COL5A3: variants seen among roughly 807,000 people sequenced by gnomAD.
The protein encoded by COL5A3 is collagen alpha-3(V) chain.
In COL5A3, 172 loss-of-function variants were observed where a neutral mutation model predicts 250.0. That is an observed-to-expected ratio of 0.69 (90% CI 0.61 to 0.78). The LOEUF (loss-of-function observed/expected upper bound fraction) is 0.78. COL5A3 is among the 30% of genes least tolerant of loss of function. The pLI is 0.00. For synonymous variants in COL5A3, 937 were observed against 900.4 expected (o/e 1.04, Z -0.73); for missense variants, 2,340 against 2,334.4 (o/e 1.00, Z -0.05).
At chr19:10,010,202 T>TGCCCCC in intron 1 of COL5A3, 96 bp downstream of exon 1, 5 of 653,184 alleles carry the variant, frequency 7.7e-6, no homozygotes, top group Non-Finnish European at 1.0e-5. Flanking sequence ...CCCACGCCCT[T>TGCCCCC]CCCCTCCACG....
chr19:9,986,955 C>A (rs1332610955), intron 27 of COL5A3, among the ~76,000 whole-genome samples, 197 bp from the exon 28 acceptor site: 1 of 152,086 alleles, frequency 6.6e-6, no homozygotes, highest in Non-Finnish European at 1.5e-5. Context: ...GTCATCTGTG[C>A]GGGGGTGTGC....
rs774250010 is a variant in COL5A3 at position 9,970,631 on chromosome 19, G to C, written c.3927C>G (p.Pro1309=). 6.9e-7 allele frequency: 1 copy of C among 1,444,286 alleles called. No individual in the cohort carries two copies. The highest frequency in any genetic ancestry group is 1.5e-5 in the African/African-American group (1 of 68,814). 89.5% of individuals were successfully genotyped at this position (1,444,286 alleles called of 1,614,324 possible). A position where few individuals can be genotyped will look rare whatever the true frequency, so the allele number is the denominator to read the frequency against. ...ASGEPGAPGP[P]GKRGPSGHMG... is the part of the protein sequence containing the mutation. ...GTGGCTTATCACTTACCCTCTTGCCGGGGGGCCCGGGGGCGCCGGGCTCCC... is the reference window on the plus strand; with the variant it reads ...GTGGCTTATCACTTACCCTCTTGCCCGGGGGCCCGGGGGCGCCGGGCTCCC... Residue 1309 remains proline (P), a synonymous_variant, in exon 54 of 67, where the codon CCC becomes CCG. Coordinates refer to ENST00000264828, the MANE Select transcript of COL5A3 (RefSeq NM_015719.4).
rs763099096 is a variant in COL5A3, at chr19:9,968,080, C to T, written c.4315-1G>A. 56 of 1,587,092 alleles carry T rather than the reference C, an allele frequency of 3.5e-5. 1 individual carries two copies. The South Asian group carries it at 6.5e-4, about 18-fold the overall frequency. On this transcript the variant is annotated splice_acceptor_variant, in intron 59 of 66. Coordinates refer to ENST00000264828, the MANE Select transcript of COL5A3 (RefSeq NM_015719.4). LOFTEE classifies it high-confidence loss of function. This position sits in a 1 kb window ranked among gnomAD's most constrained non-coding sequence, Gnocchi z 4.1. The stretch of plus-strand genomic sequence containing the variant: ...GAGAGCCAATGGGACCAGGGGGACC[C>T]TAGGAAAAGGACATCGGGTCAGTAT...
In COL5A3 at chr19:10,008,450, G is replaced by GGT. The variant is rs1331846217; in HGVS notation, c.88+1847_88+1848insAC. 2.8e-5 allele frequency among the ~76,000 whole-genome samples: 4 copies of GGT among 142,946 alleles called. No homozygotes were observed. The East Asian group carries it at 7.8e-4, about 28-fold the overall frequency. The allele number at this position is 142,946 out of a possible 152,430, so 93.8% of individuals were successfully genotyped here. ...TGCCTACAGGGGACAAGGGGTGGGG[G>GGT]GGTCTGTCAGGGGCCCAGCCTGCCC... On this transcript the variant is annotated intron_variant, in intron 1 of 66. Coordinates refer to ENST00000264828, the MANE Select transcript of COL5A3 (RefSeq NM_015719.4).
intron 8 of COL5A3, among the ~76,000 whole-genome samples, chr19:10,000,375 G>C (rs546171230): frequency 6.7e-6 from 1 of 148,482 alleles, no homozygotes; most frequent in African/African-American, 2.5e-5. Flanking sequence ...GTCACGTCCC[G>C]ACTGCAGATT....
At chr19:9,980,964 C>A (rs1599547527) in intron 33 of COL5A3, 105 bp from the exon 34 acceptor site, 1 of 1,497,606 alleles carries the variant, frequency 6.7e-7, no homozygotes, top group African/African-American at 1.4e-5. Context: ...CCTCTCCTGC[C>A]CGACCAGGGA....
At chr19:10,003,740 T>C in intron 5 of COL5A3, 26 bp from the exon 6 acceptor site, 1 of 1,613,332 alleles carries the variant, frequency 6.2e-7, no homozygotes, top group Non-Finnish European at 8.5e-7. Context: ...CAGTCAGGTC[T>C]AGAGCATCCC....
In COL5A3 at chr19:9,993,749, C is replaced by A; in HGVS notation, c.1641+4G>T. 1 of 1,614,182 alleles carries A rather than the reference C, an allele frequency of 6.2e-7. No individual in the cohort carries two copies. Among genetic ancestry groups the A allele is most frequent in the Non-Finnish European group, 8.5e-7 (1 of 1,180,012 alleles). ...CAAGTCTTATCTCAGCCCCCATCAC[C>A]TACCTTAGGTCCAGTGTCCCCTGGG... is the stretch of plus-strand genomic sequence containing the variant. On this transcript the variant is annotated splice_donor_region_variant and intron_variant, in intron 17 of 66. Coordinates refer to ENST00000264828, the MANE Select transcript of COL5A3 (RefSeq NM_015719.4).
chr19:9,962,596 CA>C lies in COL5A3; in HGVS notation c.4851+222del, dbSNP rs1415725230. ...TCCAACACTGCCTCTAAATTTCCACCATGCCCTGTGCTTCCCCTATCCTGGC... is the reference window on the plus strand; with the variant it reads ...TCCAACACTGCCTCTAAATTTCCACCTGCCCTGTGCTTCCCCTATCCTGGC... On this transcript the variant is annotated intron_variant, in intron 65 of 66. Coordinates refer to ENST00000264828, the MANE Select transcript of COL5A3 (RefSeq NM_015719.4). Among the ~76,000 whole-genome samples, 4 of 152,126 alleles carry C rather than the reference CA, an allele frequency of 2.6e-5. No homozygotes were observed. The South Asian group carries it at 6.2e-4, about 24-fold the overall frequency.
At chr19:10,008,001 A>C in intron 1 of COL5A3, among the ~76,000 whole-genome samples, 1 of 147,490 alleles carries the variant, frequency 6.8e-6, no homozygotes, top group African/African-American at 2.5e-5. Context: ...CCAACCCATC[A>C]CCCCAGCCCC....
intron 64 of COL5A3, among the ~76,000 whole-genome samples, chr19:9,963,450 G>C (rs1158917691): frequency 6.6e-6 from 1 of 151,390 alleles, no homozygotes; most frequent in African/African-American, 2.4e-5. Flanking sequence ...GAGTGCAGTG[G>C]TGTGATCACT....
chr19:9,982,130 G>T lies in COL5A3; in HGVS notation c.2407-12C>A. ...AATCCAATAGATCCCTGAGTGGAGA[G>T]AATTAGAAAGAAGACATGAGGGTGA... On this transcript the variant is annotated splice_polypyrimidine_tract_variant and intron_variant, in intron 31 of 66. Transcript: ENST00000264828. The T allele has an allele frequency of 2.5e-6, 4 of 1,581,806 alleles. No individual in the cohort carries two copies. The highest frequency in any genetic ancestry group is 3.4e-6 in the Non-Finnish European group (4 of 1,162,188).
rs1458077537 is a variant in COL5A3 at position 10,005,858 on chromosome 19, C to T, written c.375G>A (p.Ala125=). 4 of 1,613,700 alleles carry T rather than the reference C, an allele frequency of 2.5e-6. No homozygotes were observed. The highest frequency in any genetic ancestry group is 1.7e-4 in the Middle Eastern group (1 of 6,036). Reference sequence around the variant, plus strand: ...GGAAGGGGTCACCTAGGAGACCCAGCGCTGGCCCCAGTGCCAGGCCCAACT... The same window carrying T: ...GGAAGGGGTCACCTAGGAGACCCAGTGCTGGCCCCAGTGCCAGGCCCAACT... The part of the protein sequence containing the change: ...ARQLGLALGP[A]LGLLGDPFRP... Residue 125 remains alanine, a synonymous_variant, in exon 3 of 67, where the codon GCG becomes GCA. Transcript: ENST00000264828.
At position 9,976,503 on chromosome 19, in the gene COL5A3, C is replaced by T. The variant is rs73502987; in HGVS notation, c.3342+55G>A. 5.6e-3 allele frequency: 7,717 copies of T among 1,385,370 alleles called. 362 individuals are homozygous for T. The African/African-American group carries it at 0.11, about 19-fold the overall frequency. The allele number at this position is 1,385,370 out of a possible 1,614,324, so 85.8% of individuals were successfully genotyped here. ...GTGTGCTTCCACTGTCGTTTGCTCC[C>T]ACTATCCCTCCCTTCAAGGACCCAG... is the stretch of plus-strand genomic sequence containing the variant. On this transcript the variant is annotated intron_variant, in intron 45 of 66. Transcript: ENST00000264828.
chr19:10,000,107 TA>T (rs113602459), intron 8 of COL5A3, among the ~76,000 whole-genome samples: 13 of 150,552 alleles, frequency 8.6e-5, no homozygotes, highest in African/African-American at 2.4e-4. Flanking sequence ...GCCCTTAACA[TA>T]AAAAAAAAGC....
Position 9,969,406 on chromosome 19 carries a change from A to G in COL5A3, c.4099-4T>C, listed in dbSNP as rs753650782. 1.2e-5 allele frequency: 19 copies of G among 1,606,884 alleles called. No individual in the cohort carries two copies. Among genetic ancestry groups the G allele is most frequent in the Non-Finnish European group, 1.6e-5 (19 of 1,177,400 alleles). On this transcript the variant is annotated splice_region_variant and splice_polypyrimidine_tract_variant and intron_variant, in intron 56 of 66. Transcript: ENST00000264828. The stretch of plus-strand genomic sequence containing the variant: ...CTCCCAGGAGGCCTGGTTCACCCTG[A>G]GAATGGAACAGAACATGGGGTGGGC...
At chr19:9,993,882 A>C in intron 16 of COL5A3, 76 bp from the exon 17 acceptor site, 2 of 1,311,312 alleles carry the variant, frequency 1.5e-6, no homozygotes, top group South Asian at 1.3e-5. Flanking sequence ...ACCCAACTTC[A>C]TCATCAACAT....
At chr19:9,983,155 T>C (rs567538271) in intron 31 of COL5A3, among the ~76,000 whole-genome samples, 11 of 152,038 alleles carry the variant, frequency 7.2e-5, no homozygotes, top group Non-Finnish European at 1.6e-4. Context: ...GCCACCAACC[T>C]GGCCCCAACA....
At chr19:9,984,529 G>A (rs1308441987) in intron 31 of COL5A3, among the ~76,000 whole-genome samples, 1 of 152,216 alleles carries the variant, frequency 6.6e-6, no homozygotes, top group Non-Finnish European at 1.5e-5. Flanking sequence ...TATGTAAGAT[G>A]TGTATTTTAT....
Sources: gnomAD v4.1 joint callset for allele counts (sites outside exome capture counted in the v4.1 genomes callset) on GRCh38, gnomAD v4.1.1 for gene constraint, Gnocchi (gnomAD v3.1) non-coding constraint, MANE v1.5 for transcripts, NCBI Gene and HGNC (gene_info 2026-07-23, HGNC 2026-07-21) for gene names.